Variants in DOCK4 observed in about 807,000 individuals in gnomAD.
DOCK4 encodes dedicator of cytokinesis protein 4.
In DOCK4, 97 loss-of-function variants were observed where a neutral mutation model predicts 268.1. The ratio of observed to expected loss-of-function variants is 0.36; its 90% CI spans 0.31 to 0.43. The LOEUF (loss-of-function observed/expected upper bound fraction) is 0.43. Among genes scored for constraint, DOCK4 ranks in the 20% least tolerant of loss-of-function variants. The pLI is 1.00. For missense variants in DOCK4, 2,145 were observed against 2,455.7 expected (o/e 0.87, Z 2.67); for synonymous variants, 954 against 887.2 (o/e 1.08, Z -1.34).
chr7:111,802,835 T>G (rs75546000), intron 30 of DOCK4, among the ~76,000 whole-genome samples: 1 of 152,180 alleles, frequency 6.6e-6, no homozygotes, highest in East Asian at 1.9e-4. Flanking sequence ...TTATCAAGAC[T>G]CTTGTCCTTC....
intron 5 of DOCK4, among the ~76,000 whole-genome samples, chr7:111,993,226 T>A (rs1025404509): frequency 1.3e-5 from 2 of 152,234 alleles, no homozygotes; most frequent in African/African-American, 4.8e-5. Context: ...CCTCACTAAT[T>A]TGGATTTTTT....
chr7:111,945,716 C>A lies in DOCK4; in HGVS notation c.783+1G>T. On this transcript the variant is annotated splice_donor_variant, in intron 9 of 52. Coordinates refer to ENST00000428084, the MANE Select transcript of DOCK4 (RefSeq NM_001363540.2). LOFTEE classifies it high-confidence loss of function. ...TTATGAATGAAACAAGATCCACTCACCACAAAGAGGGAGCAATGTCGTTCC... is the reference window on the plus strand; with the variant it reads ...TTATGAATGAAACAAGATCCACTCAACACAAAGAGGGAGCAATGTCGTTCC... 6.3e-7 allele frequency: 1 copy of A among 1,591,698 alleles called. No individual in the cohort carries two copies. Among genetic ancestry groups the A allele is most frequent in the Non-Finnish European group, 8.6e-7 (1 of 1,168,302 alleles).
At chr7:111,812,746 C>G (rs546329661) in intron 27 of DOCK4, among the ~76,000 whole-genome samples, 1 of 152,292 alleles carries the variant, frequency 6.6e-6, no homozygotes, top group South Asian at 2.1e-4. Context: ...AAGGCAGATT[C>G]CCTCTTTAAG....
At chr7:112,052,343 C>T (rs774815228) in intron 1 of DOCK4, among the ~76,000 whole-genome samples, 3 of 151,960 alleles carry the variant, frequency 2.0e-5, no homozygotes, top group Admixed American at 1.3e-4. Flanking sequence ...TTAAATCCAC[C>T]GTTTAACCTC....
intron 1 of DOCK4, among the ~76,000 whole-genome samples, chr7:112,134,805 AG>A (rs35080299): frequency 0.26 from 40,078 of 152,170 alleles, 6,282 homozygotes; most frequent in East Asian, 0.48. Flanking sequence ...AAGTATATCA[AG>A]GTGGGTTTCA....
chr7:112,004,723 T>C (rs1800712435), intron 1 of DOCK4, among the ~76,000 whole-genome samples: 1 of 152,174 alleles, frequency 6.6e-6, no homozygotes, highest in Non-Finnish European at 1.5e-5. Flanking sequence ...ACGGAGACAC[T>C]TTATTTAGTA....
chr7:112,100,005 TTA>T (rs2135804896), intron 1 of DOCK4, among the ~76,000 whole-genome samples: 1 of 152,298 alleles, frequency 6.6e-6, no homozygotes, highest in African/African-American at 2.4e-5. Flanking sequence ...TTCTAGGTTA[TTA>T]TAATTTTACA....
intron 1 of DOCK4, among the ~76,000 whole-genome samples, chr7:112,009,040 T>C (rs965615068): frequency 3.3e-5 from 5 of 152,194 alleles, no homozygotes; most frequent in South Asian, 4.1e-4. Context: ...ATCACATAGC[T>C]GTAAGCCACA....
intron 1 of DOCK4, among the ~76,000 whole-genome samples, chr7:112,172,702 G>A (rs991578972): frequency 3.8e-4 from 58 of 152,006 alleles, no homozygotes; most frequent in Admixed American, 3.2e-3. Flanking sequence ...AATGCCAAAT[G>A]GTAAATATTA....
At chr7:112,031,854 G>C (rs1482836071) in intron 1 of DOCK4, among the ~76,000 whole-genome samples, 1 of 152,112 alleles carries the variant, frequency 6.6e-6, no homozygotes, top group Non-Finnish European at 1.5e-5. Context: ...AGTGTCTCCT[G>C]ATGAAATACT....
At position 111,732,132 on chromosome 7, in the gene DOCK4, C is replaced by A. The variant is rs924962467; in HGVS notation, c.5481+94G>T. ...TGATAAGTTCTTTGCCTGGTCCCTG[C>A]AAATTAAAGCACCTTTTGATATATC... is the stretch of plus-strand genomic sequence containing the variant. On this transcript the variant is annotated intron_variant, in intron 52 of 52. Coordinates refer to ENST00000428084, the MANE Select transcript of DOCK4 (RefSeq NM_001363540.2). The A allele has an allele frequency of 8.5e-6, 11 of 1,298,494 alleles. No homozygotes were observed. In the Admixed American group the frequency reaches 1.1e-4, roughly 13 times the overall value. 80.4% of individuals were successfully genotyped at this position (1,298,494 alleles called of 1,614,324 possible). A position where few individuals can be genotyped will look rare whatever the true frequency, so the allele number is the denominator to read the frequency against.
Position 111,728,333 on chromosome 7 carries a change from G to T in DOCK4, c.5869C>A (p.Arg1957=), listed in dbSNP as rs969612389. The change falls in exon 53 of 53, where the codon CGG becomes AGG. Residue 1957 remains arginine, a synonymous_variant. Transcript: ENST00000428084. ...GGCCGCGGGCCGGGGTCAGTCCTCCGGGCCCCATTCTCCAGGTGGCTGGAT... is the reference window on the plus strand; with the variant it reads ...GGCCGCGGGCCGGGGTCAGTCCTCCTGGCCCCATTCTCCAGGTGGCTGGAT... ...ARSSHLENGA[R]RTDPGPRPRP... The T allele has an allele frequency of 2.0e-6, 3 of 1,518,108 alleles. No homozygotes were observed. The highest frequency in any genetic ancestry group is 2.6e-6 in the Non-Finnish European group (3 of 1,135,538). The allele number at this position is 1,518,108 out of a possible 1,614,324, so 94.0% of individuals were successfully genotyped here. A position where few individuals can be genotyped will look rare whatever the true frequency, so the allele number is the denominator to read the frequency against.
chr7:111,861,210 T>C (rs6955242), intron 23 of DOCK4, among the ~76,000 whole-genome samples: 79,247 of 151,996 alleles, frequency 0.52, 23,834 homozygotes, highest in African/African-American at 0.85. Context: ...GCAGCAGAGT[T>C]GGAAAACCAC....
At chr7:112,084,542 C>T (rs1808889965) in intron 1 of DOCK4, among the ~76,000 whole-genome samples, 1 of 152,096 alleles carries the variant, frequency 6.6e-6, no homozygotes, top group Non-Finnish European at 1.5e-5. Flanking sequence ...CTACCAGACC[C>T]TCAGTTAATA....
chr7:111,753,328 A>G (rs1214502924), intron 42 of DOCK4, among the ~76,000 whole-genome samples: 1 of 152,122 alleles, frequency 6.6e-6, no homozygotes, highest in African/African-American at 2.4e-5. Context: ...TCAGAAAATT[A>G]GCCAGTTGTG....
chr7:111,993,257 T>C (rs1016598250), intron 5 of DOCK4, among the ~76,000 whole-genome samples: 12 of 152,224 alleles, frequency 7.9e-5, no homozygotes, highest in African/African-American at 2.9e-4. Flanking sequence ...CTGTTTTAAA[T>C]CGTTTTGTCA....
intron 1 of DOCK4, among the ~76,000 whole-genome samples, chr7:112,160,593 T>C (rs977504577): frequency 2.0e-5 from 3 of 152,166 alleles, no homozygotes; most frequent in Non-Finnish European, 4.4e-5. Flanking sequence ...ACTCTGAACA[T>C]GGCAGTCAGA....
chr7:112,143,329 G>C (rs1021802186), intron 1 of DOCK4, among the ~76,000 whole-genome samples: 2 of 152,044 alleles, frequency 1.3e-5, no homozygotes, highest in African/African-American at 2.4e-5. Context: ...ATATGAAACT[G>C]GTTGTTTAAA....
chr7:112,132,450 A>T (rs1009025593), intron 1 of DOCK4, among the ~76,000 whole-genome samples: 1 of 152,222 alleles, frequency 6.6e-6, no homozygotes, highest in African/African-American at 2.4e-5. Context: ...AGCTCACACA[A>T]AGGATGCAAT....
Sources: gnomAD v4.1 joint callset for allele counts (sites outside exome capture counted in the v4.1 genomes callset) on GRCh38, gnomAD v4.1.1 for gene constraint, MANE v1.5 for transcripts, NCBI Gene and HGNC (gene_info 2026-07-23, HGNC 2026-07-21) for gene names.